NBAS: variants seen among roughly 807,000 people sequenced by gnomAD.
The protein encoded by NBAS is NAG/BC035112 fusion.
A neutral mutation model predicts 302.5 loss-of-function variants in NBAS; 219 were observed. The observed-to-expected ratio is 0.72, with a 90% CI of 0.65 to 0.81. The LOEUF (loss-of-function observed/expected upper bound fraction) is 0.81. Ranked by LOEUF, NBAS falls within the 30% of genes least tolerant of loss-of-function variation. NBAS has a pLI of 0.00. For synonymous variants in NBAS, 1,118 were observed against 1,021.6 expected (o/e 1.09, Z -1.80); for missense variants, 2,932 against 2,841.6 (o/e 1.03, Z -0.72).
chr2:15,113,638 C>T, the NBAS span, among the ~76,000 whole-genome samples: 2 of 152,134 alleles, frequency 1.3e-5, no homozygotes, highest in Admixed American at 6.6e-5. Context: ...TAAAATGAAA[C>T]ATTCTTAAAT....
chr2:14,787,524 C>A, the NBAS span, among the ~76,000 whole-genome samples: 1 of 152,172 alleles, frequency 6.6e-6, no homozygotes, highest in Non-Finnish European at 1.5e-5. Flanking sequence ...CTGATGGTGA[C>A]ATAATCTCTC....
intron 9 of NBAS, among the ~76,000 whole-genome samples, chr2:15,531,986 GA>G (rs925448510): frequency 6.6e-6 from 1 of 151,860 alleles, no homozygotes; most frequent in African/African-American, 2.4e-5. Context: ...TCACTCCCTC[GA>G]AAAGTTCCAC....
intron 42 of NBAS, among the ~76,000 whole-genome samples, chr2:15,284,386 C>T (rs1669951668): frequency 6.6e-6 from 1 of 152,154 alleles, no homozygotes; most frequent in African/African-American, 2.4e-5. Context: ...CCCATGGACA[C>T]ACACCTAGAA....
intron 44 of NBAS, among the ~76,000 whole-genome samples, chr2:15,269,669 G>C (rs1182353490): frequency 2.0e-5 from 3 of 152,136 alleles, no homozygotes; most frequent in African/African-American, 7.2e-5. Flanking sequence ...TCAACATTTG[G>C]ATCATCTATA....
At chr2:14,782,959 G>T in the NBAS span, among the ~76,000 whole-genome samples, 2 of 152,090 alleles carry the variant, frequency 1.3e-5, no homozygotes, top group Admixed American at 6.6e-5. Context: ...CCTCCTTGAG[G>T]GTGGAAGGTG....
chr2:15,244,456 C>A (rs1045449339), intron 44 of NBAS, among the ~76,000 whole-genome samples: 1 of 152,104 alleles, frequency 6.6e-6, no homozygotes, highest in African/African-American at 2.4e-5. Context: ...CCTTACCTAC[C>A]CCACAGTAGG....
chr2:15,507,089 A>G (rs778198132), intron 10 of NBAS, among the ~76,000 whole-genome samples: 11 of 152,188 alleles, frequency 7.2e-5, no homozygotes, highest in Non-Finnish European at 1.6e-4. Flanking sequence ...TGTGAAGGGA[A>G]AAATAAAAGC....
At chr2:15,370,287 A>G (rs1471279524) in intron 31 of NBAS, among the ~76,000 whole-genome samples, 1 of 151,792 alleles carries the variant, frequency 6.6e-6, no homozygotes, top group African/African-American at 2.4e-5. Context: ...CAATACCACC[A>G]CCTCATAGGG....
At chr2:14,849,931 T>C in the NBAS span, among the ~76,000 whole-genome samples, 11 of 137,204 alleles carry the variant, frequency 8.0e-5, no homozygotes, top group East Asian at 1.2e-3. Flanking sequence ...CTGAAGGAAG[T>C]GCTAAACATG....
chr2:14,972,366 C>T, the NBAS span, among the ~76,000 whole-genome samples: 1 of 151,968 alleles, frequency 6.6e-6, no homozygotes, highest in African/African-American at 2.4e-5. Flanking sequence ...CCATGGCACA[C>T]AAATACCTAT....
chr2:15,181,602 C>T (rs1309241047), intron 50 of NBAS, among the ~76,000 whole-genome samples: 1 of 152,214 alleles, frequency 6.6e-6, no homozygotes, highest in Non-Finnish European at 1.5e-5. Context: ...TCAAACCTGT[C>T]AGACCATGAG....
the NBAS span, among the ~76,000 whole-genome samples, chr2:15,013,037 T>C: frequency 9.9e-5 from 15 of 152,180 alleles, no homozygotes; most frequent in Admixed American, 2.0e-4. Flanking sequence ...TTTGTGTCTT[T>C]TTGCAGAGAT....
the NBAS span, among the ~76,000 whole-genome samples, chr2:14,792,222 C>T: frequency 2.0e-5 from 3 of 152,140 alleles, no homozygotes; most frequent in South Asian, 4.1e-4. Context: ...ACAGACACTC[C>T]TCGACTTACA....
chr2:15,143,678 T>C, the NBAS span, among the ~76,000 whole-genome samples: 167 of 152,240 alleles, frequency 1.1e-3, no homozygotes, highest in African/African-American at 4.0e-3. Context: ...GTCAACTTGA[T>C]TGGATTGAAA....
At chr2:15,163,758 T>C (rs1384488804), downstream of NBAS, among the ~76,000 whole-genome samples, 1 of 151,860 alleles carries the variant, frequency 6.6e-6, no homozygotes, top group Non-Finnish European at 1.5e-5. Flanking sequence ...CGTCTTATTC[T>C]GTGAGAAACA....
At chr2:15,264,058 G>C (rs767644585) in intron 44 of NBAS, among the ~76,000 whole-genome samples, 1 of 152,174 alleles carries the variant, frequency 6.6e-6, no homozygotes, top group African/African-American at 2.4e-5. Flanking sequence ...AATGAGAGGA[G>C]GGAGCTTATA....
the NBAS span, among the ~76,000 whole-genome samples, chr2:14,792,521 C>T: frequency 2.6e-5 from 4 of 151,888 alleles, no homozygotes; most frequent in Non-Finnish European, 5.9e-5. Flanking sequence ...CATCAAAATT[C>T]AATATTTGAG....
At chr2:15,143,875 C>A in the NBAS span, among the ~76,000 whole-genome samples, 1 of 151,704 alleles carries the variant, frequency 6.6e-6, no homozygotes, top group African/African-American at 2.4e-5. Context: ...AGCCTCCCAG[C>A]CTACATCTTT....
intron 12 of NBAS, among the ~76,000 whole-genome samples, chr2:15,488,625 A>G (rs1344727520): frequency 2.6e-5 from 4 of 152,128 alleles, no homozygotes; most frequent in Admixed American, 2.6e-4. Context: ...TTGAATGACA[A>G]AGAGGGAAAA....
Sources: gnomAD v4.1 joint callset for allele counts (sites outside exome capture counted in the v4.1 genomes callset) on GRCh38, gnomAD v4.1.1 for gene constraint, MANE v1.5 for transcripts, NCBI Gene and HGNC (gene_info 2026-07-23, HGNC 2026-07-21) for gene names.